The following PCDHGA7 variants were observed in gnomAD, a reference collection of about 807,000 sequenced individuals.
The protein encoded by PCDHGA7 is protocadherin gamma subfamily A, 7.
PCDHGA7 carries 44 observed loss-of-function variants against 58.3 expected under a neutral mutation model. The ratio of observed to expected loss-of-function variants is 0.75; its 90% CI spans 0.59 to 0.97. The LOEUF (loss-of-function observed/expected upper bound fraction) is 0.97. Ranked by LOEUF, PCDHGA7 falls within the 50% of genes least tolerant of loss-of-function variation. The probability of loss-of-function intolerance (pLI) is 0.00; values close to 1 mark genes in which losing one functional copy is unlikely to be tolerated. For missense variants in PCDHGA7, 1,266 were observed against 1,188.7 expected (o/e 1.06, Z -0.96); for synonymous variants, 516 against 504.2 (o/e 1.02, Z -0.31).
chr5:141,460,097 G>A (rs2098982102), intron 1 of PCDHGA7, among the ~76,000 whole-genome samples: 2 of 151,812 alleles, frequency 1.3e-5, no homozygotes, highest in African/African-American at 2.4e-5. Context: ...AATTATACAT[G>A]TAATTATATA....
At chr5:141,421,211 T>A (rs866635411) in intron 1 of PCDHGA7, 8 of 1,541,100 alleles carry the variant, frequency 5.2e-6, no homozygotes. Flanking sequence ...CCGCGGAATA[T>A]CGGCTTAGAG....
intron 1 of PCDHGA7, chr5:141,398,997 G>A: frequency 6.2e-7 from 1 of 1,613,934 alleles, no homozygotes; most frequent in Non-Finnish European, 8.5e-7. Flanking sequence ...TCTTTAGTCT[G>A]AATTCAAAGA....
At chr5:141,444,725 T>C (rs1178418239) in intron 1 of PCDHGA7, among the ~76,000 whole-genome samples, 1 of 152,370 alleles carries the variant, frequency 6.6e-6, no homozygotes, top group East Asian at 1.9e-4. Flanking sequence ...TTGGTGCCTT[T>C]GTTGAAAGTC....
rs202162316 is a variant in PCDHGA7, at chr5:141,490,194, T to C, written c.2425-4613T>C. ...TTGAGGAGTCACGTTTCTATGAAAT[T>C]CATGCAAGAGCCCGTGACCAGGGAC... is the stretch of plus-strand genomic sequence containing the variant. On this transcript the variant is annotated intron_variant, in intron 1 of 3. Transcript: ENST00000518325. The surrounding 1 kb of genome is among the most constrained non-coding windows in gnomAD (Gnocchi z 5.4). The C allele has an allele frequency of 8.1e-6, 13 of 1,614,186 alleles. No individual in the cohort carries two copies. The highest frequency in any genetic ancestry group is 1.1e-5 in the Non-Finnish European group (13 of 1,180,030).
At chr5:141,458,064 C>G (rs886724551) in intron 1 of PCDHGA7, among the ~76,000 whole-genome samples, 1 of 152,104 alleles carries the variant, frequency 6.6e-6, no homozygotes, top group Admixed American at 6.6e-5. Flanking sequence ...TGCACTGATG[C>G]GAACAACTAT....
intron 1 of PCDHGA7, chr5:141,413,826 C>G (rs1363449): frequency 6.2e-7 from 1 of 1,613,180 alleles, no homozygotes; most frequent in Non-Finnish European, 8.5e-7. Flanking sequence ...TGGTCCTCAC[C>G]GCCTCCGACG....
At chr5:141,409,756 C>T in intron 1 of PCDHGA7, 1 of 1,612,994 alleles carries the variant, frequency 6.2e-7, no homozygotes, top group Non-Finnish European at 8.5e-7. Flanking sequence ...TCGCGCAGCG[C>T]GCCTTTGATC....
rs553276457 is a variant in PCDHGA7 at position 141,480,179 on chromosome 5, G to A, written c.2425-14628G>A. Among the ~76,000 whole-genome samples, 10 of 152,058 alleles carry A rather than the reference G, an allele frequency of 6.6e-5. No individual in the cohort carries two copies. In the South Asian group the frequency reaches 8.3e-4, roughly 13 times the overall value. On this transcript the variant is annotated intron_variant, in intron 1 of 3. Transcript: ENST00000518325. ...AGCATTTTGGGAGGCTGAGGCAGGC[G>A]GATTGCTTGAGGCCAGCAGTTCAAG... is the stretch of plus-strand genomic sequence containing the variant.
intron 1 of PCDHGA7, chr5:141,400,280 CCG>C (rs769084717): frequency 1.2e-5 from 19 of 1,613,948 alleles, no homozygotes; most frequent in Non-Finnish European, 1.4e-5. Context: ...TCCAGCCCTG[CCG>C]CCTGGAGCTG....
At chr5:141,509,015 C>G (rs1370464396) in intron 3 of PCDHGA7, among the ~76,000 whole-genome samples, 2 of 152,098 alleles carry the variant, frequency 1.3e-5, no homozygotes, top group African/African-American at 4.8e-5. Context: ...AAGTGGGCAG[C>G]TGCTCCCTCC....
At position 141,485,698 on chromosome 5, in the gene PCDHGA7, T is replaced by C. The variant is rs1175015922; in HGVS notation, c.2425-9109T>C. ...TTAGCAGCTATAGGCTGAGCTCCAA[T>C]GAACACTTTGCACTGGATGTGAAGA... On this transcript the variant is annotated intron_variant, in intron 1 of 3. Transcript: ENST00000518325. This position sits in a 1 kb window ranked among gnomAD's most constrained non-coding sequence, Gnocchi z 5.7. 6.2e-7 allele frequency: 1 copy of C among 1,613,994 alleles called. No homozygotes were observed. The highest frequency in any genetic ancestry group is 8.5e-7 in the Non-Finnish European group (1 of 1,180,002).
chr5:141,488,193 T>C (rs1211647195), intron 1 of PCDHGA7, among the ~76,000 whole-genome samples: 1 of 152,122 alleles, frequency 6.6e-6, no homozygotes, highest in Non-Finnish European at 1.5e-5. Flanking sequence ...TTGGTCTGGG[T>C]CTTAGGACTC....
intron 1 of PCDHGA7, among the ~76,000 whole-genome samples, chr5:141,443,070 T>C (rs983773796): frequency 6.6e-6 from 1 of 152,244 alleles, no homozygotes; most frequent in African/African-American, 2.4e-5. Flanking sequence ...GAGCGTCTTA[T>C]GACTGAGTGT....
intron 1 of PCDHGA7, among the ~76,000 whole-genome samples, chr5:141,437,360 G>T (rs1432098876): frequency 6.6e-6 from 1 of 152,144 alleles, no homozygotes; most frequent in Non-Finnish European, 1.5e-5. Context: ...ACCTAAAATT[G>T]GAATGTAATC....
chr5:141,383,629 C>G lies in PCDHGA7; in HGVS notation c.730C>G (p.Leu244Val). The change falls in exon 1 of 4, where the codon CTG becomes GTG. Residue 244 changes from leucine to valine, a missense_variant. Transcript: ENST00000518325. ...GAATGACCACACGCCTGTCTTCTCT[C>G]TGCCTCAGTACCAAGTAACTGTCCC... ...DVNDHTPVFS[L>V]PQYQVTVPEN... The G allele has an allele frequency of 6.2e-7, 1 of 1,613,960 alleles. No homozygotes were observed. The highest frequency in any genetic ancestry group is 8.5e-7 in the Non-Finnish European group (1 of 1,179,902).
chr5:141,478,692 A>C (rs1459911657), intron 1 of PCDHGA7: 2 of 1,550,666 alleles, frequency 1.3e-6, no homozygotes, highest in African/African-American at 2.7e-5. Context: ...CCTAGATCAA[A>C]GTTAGTGCCT....
chr5:141,433,408 A>ATCTATCTATCT (rs1413347413), intron 1 of PCDHGA7, among the ~76,000 whole-genome samples: 6 of 127,280 alleles, frequency 4.7e-5, no homozygotes, highest in African/African-American at 1.8e-4. Context: ...TCTATCTATT[A>ATCTATCTATCT]CTTTCTTGTA....
chr5:141,394,654 C>T lies in PCDHGA7; in HGVS notation c.2424+9331C>T. ...TACCGCCTGCTCAAGGCCAGCGAGCCGGGACTCTTCTCGGTGGGTCTGCAC... is the reference window on the plus strand; with the variant it reads ...TACCGCCTGCTCAAGGCCAGCGAGCTGGGACTCTTCTCGGTGGGTCTGCAC... On this transcript the variant is annotated intron_variant, in intron 1 of 3. Coordinates refer to ENST00000518325, the MANE Select transcript of PCDHGA7 (RefSeq NM_018920.4). 1.9e-6 allele frequency: 3 copies of T among 1,613,236 alleles called. No homozygotes were observed. Among genetic ancestry groups the T allele is most frequent in the Non-Finnish European group, 2.5e-6 (3 of 1,179,928 alleles).
intron 1 of PCDHGA7, among the ~76,000 whole-genome samples, chr5:141,420,727 G>C (rs1454487477): frequency 2.0e-5 from 3 of 152,180 alleles, no homozygotes; most frequent in African/African-American, 7.2e-5. Flanking sequence ...CTTTCAGTCG[G>C]TTAAAATCAA....
Sources: allele counts gnomAD v4.1 joint callset (sites outside exome capture counted in the v4.1 genomes callset), GRCh38; gene constraint gnomAD v4.1.1; non-coding constraint Gnocchi (gnomAD v3.1); transcripts MANE v1.5; gene names NCBI Gene and HGNC (gene_info 2026-07-23, HGNC 2026-07-21).